The following LPCAT2 variants were observed in gnomAD, a reference collection of about 807,000 sequenced individuals.
The protein encoded by LPCAT2 is 1-AGP acyltransferase 11.
LPCAT2 carries 58 observed loss-of-function variants against 64.7 expected under a neutral mutation model. The ratio of observed to expected loss-of-function variants is 0.90; its 90% CI spans 0.73 to 1.12. LPCAT2 has a LOEUF of 1.12. Among genes scored for constraint, LPCAT2 ranks in the 50% most tolerant of loss-of-function variants. The pLI is 0.00. For synonymous variants in LPCAT2, 252 were observed against 245.3 expected (o/e 1.03, Z -0.26); for missense variants, 579 against 669.8 (o/e 0.86, Z 1.50).
In LPCAT2 at chr16:55,528,803, T is replaced by G. The variant is rs1285469589; in HGVS notation, c.529+209T>G. On this transcript the variant is annotated intron_variant, in intron 3 of 13. Transcript: ENST00000262134. ...TCCCTTTTATAGCTTCATAACTCTT[T>G]AAAACTTTTTATCACTATGTCATTG... Among the ~76,000 whole-genome samples, 5 of 152,304 alleles carry G rather than the reference T, an allele frequency of 3.3e-5. No individual in the cohort carries two copies. In the East Asian group the frequency reaches 9.6e-4, roughly 29 times the overall value.
intron 5 of LPCAT2, 149 bp downstream of exon 5, chr16:55,532,123 A>C: frequency 1.7e-6 from 1 of 598,984 alleles, no homozygotes; most frequent in African/African-American, 1.9e-5. Flanking sequence ...GATCCACAGA[A>C]CTTACTGCTT....
In LPCAT2 at chr16:55,544,077, C is replaced by G. The variant is rs1238069101; in HGVS notation, c.853-1658C>G. On this transcript the variant is annotated intron_variant, in intron 8 of 13. Coordinates refer to ENST00000262134, the MANE Select transcript of LPCAT2 (RefSeq NM_017839.5). ...GCTGCTTCCAGACATTCTCCCTGCTCTTAGTCTCTTCTTTGGTGCATACAC... is the reference window on the plus strand; with the variant it reads ...GCTGCTTCCAGACATTCTCCCTGCTGTTAGTCTCTTCTTTGGTGCATACAC... 3.3e-5 allele frequency among the ~76,000 whole-genome samples: 5 copies of G among 152,162 alleles called. No individual in the cohort carries two copies. In the East Asian group the frequency reaches 9.6e-4, roughly 29 times the overall value.
chr16:55,532,555 A>T (rs1325832422), intron 5 of LPCAT2: 8 of 195,334 alleles, frequency 4.1e-5, no homozygotes, highest in African/African-American at 1.9e-4. Context: ...TTGGAAAATG[A>T]AAAAAAGTGG....
intron 11 of LPCAT2, among the ~76,000 whole-genome samples, chr16:55,569,024 G>A (rs1451468295): frequency 6.6e-6 from 1 of 152,044 alleles, no homozygotes; most frequent in Non-Finnish European, 1.5e-5. Context: ...CTCTATCCCA[G>A]GCTACTTTGG....
chr16:55,580,761 C>A (rs559373679), intron 13 of LPCAT2, among the ~76,000 whole-genome samples: 1 of 152,134 alleles, frequency 6.6e-6, no homozygotes, highest in Admixed American at 6.6e-5. Context: ...AGGTGAGTGG[C>A]AGGCGAGTGA....
chr16:55,513,002 A>G (rs2142386479), intron 1 of LPCAT2, among the ~76,000 whole-genome samples: 1 of 152,358 alleles, frequency 6.6e-6, no homozygotes, highest in Admixed American at 6.5e-5. Context: ...AACATTCTTT[A>G]GAAAAGGATA....
At position 55,518,528 on chromosome 16, in the gene LPCAT2, C is replaced by T. The variant is rs143894141; in HGVS notation, c.172-6980C>T. 2.1e-3 allele frequency among the ~76,000 whole-genome samples: 325 copies of T among 152,218 alleles called. 3 individuals are homozygous for T. The highest frequency in any genetic ancestry group is 7.5e-3 in the African/African-American group (312 of 41,532). On this transcript the variant is annotated intron_variant, in intron 1 of 13. Transcript: ENST00000262134. The stretch of plus-strand genomic sequence containing the variant: ...GAACTCACATTTCTCATTTTCAAAA[C>T]GTACTGTGAAGCTACAGTAATCAAG...
chr16:55,580,714 C>T (rs1304924599), intron 13 of LPCAT2, among the ~76,000 whole-genome samples: 1 of 152,070 alleles, frequency 6.6e-6, no homozygotes. Context: ...GGACCGGTGC[C>T]GATCTGTGGC....
chr16:55,511,748 G>A (rs1962935306), intron 1 of LPCAT2, among the ~76,000 whole-genome samples: 1 of 152,128 alleles, frequency 6.6e-6, no homozygotes. Context: ...AAAAAAAGTT[G>A]CCTAATATTT....
intron 11 of LPCAT2, among the ~76,000 whole-genome samples, chr16:55,568,352 A>G (rs1009781442): frequency 6.6e-6 from 1 of 152,238 alleles, no homozygotes; most frequent in Non-Finnish European, 1.5e-5. Context: ...CCTGCCTTAG[A>G]GCAAGGAAAA....
intron 11 of LPCAT2, among the ~76,000 whole-genome samples, chr16:55,574,269 C>T (rs1289707258): frequency 1.3e-5 from 2 of 152,090 alleles, no homozygotes; most frequent in Non-Finnish European, 2.9e-5. Flanking sequence ...ATGGCAGGAC[C>T]ACCAGTAATG....
In LPCAT2 at chr16:55,574,641, G is replaced by A. The variant is rs1963807001; in HGVS notation, c.1226G>A (p.Gly409Asp). The A allele has an allele frequency of 6.2e-7, 1 of 1,612,346 alleles. No homozygotes were observed. The highest frequency in any genetic ancestry group is 2.2e-5 in the East Asian group (1 of 44,852). The change falls in exon 12 of 14, where the codon GGC (glycine) becomes GAC (aspartate). Residue 409 changes from glycine to aspartate, a missense_variant. Gly to Asp is a moderately conservative substitution (Grantham distance 94). Transcript: ENST00000262134. ...CCCATCCTTTCACAGAACCATGATGGCAGCATTGACTTCCGAGAGTATGTG... is the reference window on the plus strand; with the variant it reads ...CCCATCCTTTCACAGAACCATGATGACAGCATTGACTTCCGAGAGTATGTG... ...LFALFDRNHD[G>D]SIDFREYVIG...
At chr16:55,560,343 G>T (rs936368174) in intron 11 of LPCAT2, among the ~76,000 whole-genome samples, 1 of 152,062 alleles carries the variant, frequency 6.6e-6, no homozygotes, top group Non-Finnish European at 1.5e-5. Context: ...TGACAGAAAG[G>T]CTTCATCTAA....
chr16:55,533,516 T>G (rs568723816), intron 6 of LPCAT2, among the ~76,000 whole-genome samples: 2 of 150,852 alleles, frequency 1.3e-5, no homozygotes, highest in East Asian at 3.9e-4. Context: ...GTTCAAGTGA[T>G]TCTCTCCTTT....
rs780907237 is a variant in LPCAT2, at chr16:55,566,935, C to T, written c.1216-7696C>T. 45 of 1,613,640 alleles carry T rather than the reference C, an allele frequency of 2.8e-5. No individual in the cohort carries two copies. Among genetic ancestry groups the T allele is most frequent in the Non-Finnish European group, 3.2e-5 (38 of 1,179,852 alleles). Reference sequence around the variant, plus strand: ...GCAGCAGCTCAGTATACTCCAGAACCGCCTCCCACTCAGCAGCATTTCACC... The same window carrying T: ...GCAGCAGCTCAGTATACTCCAGAACTGCCTCCCACTCAGCAGCATTTCACC... On this transcript the variant is annotated intron_variant, in intron 11 of 13. Transcript: ENST00000262134.
intron 5 of LPCAT2, chr16:55,532,191 T>C: frequency 2.1e-6 from 1 of 473,460 alleles, no homozygotes; most frequent in Non-Finnish European, 3.8e-6. Flanking sequence ...TCCATGCATG[T>C]GCACTTAGGA....
intron 10 of LPCAT2, 147 bp downstream of exon 10, chr16:55,549,549 C>T (rs1963491958): frequency 4.1e-6 from 3 of 738,064 alleles, no homozygotes; most frequent in South Asian, 2.3e-5. Context: ...ATTTATCTCA[C>T]ATTTTATTCA....
rs762221312 is a variant in LPCAT2 at position 55,528,562 on chromosome 16, G to A, written c.497G>A (p.Arg166Gln). 6.8e-6 allele frequency: 11 copies of A among 1,613,538 alleles called. No individual in the cohort carries two copies. The highest frequency in any genetic ancestry group is 4.5e-5 in the East Asian group (2 of 44,860). The change falls in exon 3 of 14, where the codon CGA becomes CAA. Residue 166 changes from arginine (R) to glutamine (Q), a missense_variant. Physicochemically the swap from Arg to Gln is conservative, Grantham distance 43. Transcript: ENST00000262134. ...VVAGLPSMVS[R>Q]NENAQVPLIG... ...GCTGGGTTACCTTCTATGGTATCTC[G>A]AAATGAGAATGCACAAGTCCCTCTG...
intron 11 of LPCAT2, among the ~76,000 whole-genome samples, chr16:55,557,191 A>G (rs1348961607): frequency 2.6e-5 from 4 of 151,916 alleles, no homozygotes; most frequent in Non-Finnish European, 4.4e-5. Flanking sequence ...AGAATTAATG[A>G]TTAATGCATT....
Sources: allele counts gnomAD v4.1 joint callset (sites outside exome capture counted in the v4.1 genomes callset), GRCh38; gene constraint gnomAD v4.1.1; transcripts MANE v1.5; gene names NCBI Gene and HGNC (gene_info 2026-07-23, HGNC 2026-07-21).